ZNF660: variants seen among roughly 807,000 people sequenced by gnomAD.
ZNF660 encodes the protein zinc finger protein 660.
A neutral mutation model predicts 23.2 loss-of-function variants in ZNF660; 24 were observed. That is an observed-to-expected ratio of 1.04 (90% CI 0.75 to 1.46). The LOEUF is 1.46. Among genes scored for constraint, ZNF660 ranks in the 40% most tolerant of loss-of-function variants. The pLI is 0.00. For missense variants in ZNF660, 373 were observed against 396.8 expected (o/e 0.94, Z 0.51); for synonymous variants, 117 against 131.4 (o/e 0.89, Z 0.75).
intron 2 of ZNF660, among the ~76,000 whole-genome samples, chr3:44,591,795 G>A (rs1328276420): frequency 6.6e-6 from 1 of 152,200 alleles, no homozygotes; most frequent in East Asian, 1.9e-4. Flanking sequence ...AGGAGTTCAA[G>A]GCCAGCCTGG....
At chr3:44,590,683 A>G (rs538007426) in intron 2 of ZNF660, among the ~76,000 whole-genome samples, 27 of 152,360 alleles carry the variant, frequency 1.8e-4, no homozygotes, top group African/African-American at 6.3e-4. Flanking sequence ...TATGAGTTTA[A>G]GAAATGTATG....
rs1174124161 is a variant in ZNF660, at chr3:44,597,406, T to C, written c.*2217T>C. 6.6e-6 allele frequency: 1 copy of C among 152,224 alleles called. No individual in the cohort carries two copies. Among genetic ancestry groups the C allele is most frequent in the East Asian group, 1.9e-4 (1 of 5,198 alleles). 9.4% of individuals were successfully genotyped at this position (152,224 alleles called of 1,614,324 possible). ...ATAATTTAGTTTTAAGGTATATATATTTCTTTCTTGCTGTTACCGGAAAGA... is the reference window on the plus strand; with the variant it reads ...ATAATTTAGTTTTAAGGTATATATACTTCTTTCTTGCTGTTACCGGAAAGA... On this transcript the variant is annotated 3_prime_UTR_variant, in exon 3 of 3. Transcript: ENST00000322734. This position sits in a 1 kb window ranked among gnomAD's most constrained non-coding sequence, Gnocchi z 4.1.
chr3:44,591,876 A>G (rs1239716016), intron 2 of ZNF660, among the ~76,000 whole-genome samples: 1 of 152,204 alleles, frequency 6.6e-6, no homozygotes, highest in African/African-American at 2.4e-5. Context: ...AGACGCCTGT[A>G]ATCCCAGCTA....
At chr3:44,590,899 CT>C (rs1413676163) in intron 2 of ZNF660, among the ~76,000 whole-genome samples, 4 of 152,180 alleles carry the variant, frequency 2.6e-5, no homozygotes, top group African/African-American at 9.7e-5. Context: ...GCCCAGGACC[CT>C]GGCAAGAATC....
At chr3:44,590,992 T>C (rs1700404935) in intron 2 of ZNF660, among the ~76,000 whole-genome samples, 1 of 152,216 alleles carries the variant, frequency 6.6e-6, no homozygotes, top group Admixed American at 6.5e-5. Flanking sequence ...ATGGAATCAG[T>C]GGCCACCCGC....
intron 2 of ZNF660, among the ~76,000 whole-genome samples, chr3:44,593,703 A>G (rs2125752671): frequency 6.6e-6 from 1 of 152,138 alleles, no homozygotes; most frequent in South Asian, 2.1e-4. Flanking sequence ...AAAAAAAAAA[A>G]AAAAAGCAAC....
intron 2 of ZNF660, among the ~76,000 whole-genome samples, chr3:44,593,084 G>A (rs1700486680): frequency 6.6e-6 from 1 of 151,736 alleles, no homozygotes; most frequent in Non-Finnish European, 1.5e-5. Flanking sequence ...TCCAACTATA[G>A]GCCAGCCCCT....
rs78281034 is a variant in ZNF660 at position 44,592,701 on chromosome 3, C to T, written c.-180-1313C>T. 4.8e-3 allele frequency among the ~76,000 whole-genome samples: 731 copies of T among 152,310 alleles called. 10 individuals are homozygous for T. Among genetic ancestry groups the T allele is most frequent in the African/African-American group, 0.017 (694 of 41,556 alleles). ...CTCTCAGACTCACCCCTTAAGTAGT[C>T]TCAGTCTGTCAGAGTGACAGCATGG... On this transcript the variant is annotated intron_variant, in intron 2 of 2. Transcript: ENST00000322734.
rs1414388112 is a variant in ZNF660, at chr3:44,598,902, G to C, written c.*3713G>C. 1 of 152,254 alleles carries C rather than the reference G, an allele frequency of 6.6e-6. No homozygotes were observed. Among genetic ancestry groups the C allele is most frequent in the African/African-American group, 2.4e-5 (1 of 41,444 alleles). 9.4% of individuals were successfully genotyped at this position (152,254 alleles called of 1,614,324 possible). A position where few individuals can be genotyped will look rare whatever the true frequency, so the allele number is the denominator to read the frequency against. The stretch of plus-strand genomic sequence containing the variant: ...TAGTCCTAGGTACTCAGGAGGCTGA[G>C]GGGGGAGGATCACTTGAGCCCAGGA... On this transcript the variant is annotated 3_prime_UTR_variant, in exon 3 of 3. Coordinates refer to ENST00000322734, the MANE Select transcript of ZNF660 (RefSeq NM_173658.4).
chr3:44,586,421 T>C (rs1184889758), intron 2 of ZNF660: 1 of 152,254 alleles, frequency 6.6e-6, no homozygotes, highest in African/African-American at 2.4e-5. Context: ...GGTGATGTAG[T>C]AGAACTCAAA....
At chr3:44,590,525 A>G (rs768793148) in intron 2 of ZNF660, among the ~76,000 whole-genome samples, 35 of 152,182 alleles carry the variant, frequency 2.3e-4, no homozygotes, top group Non-Finnish European at 4.8e-4. Context: ...TAGAGGCCCC[A>G]TCTCCAAATA....
At chr3:44,593,689 CAAAA>C (rs397874775) in intron 2 of ZNF660, among the ~76,000 whole-genome samples, 68 of 92,576 alleles carry the variant, frequency 7.3e-4, no homozygotes, top group African/African-American at 6.9e-4. Context: ...CACTCCATCT[CAAAA>C]AAAAAAAAAA....
Position 44,594,541 on chromosome 3 carries a change from T to C in ZNF660, c.348T>C (p.Ser116=), listed in dbSNP as rs779729950. 3.7e-6 allele frequency: 6 copies of C among 1,614,058 alleles called. No individual in the cohort carries two copies. The highest frequency in any genetic ancestry group is 5.1e-6 in the Non-Finnish European group (6 of 1,180,018). ...GCAGTGAATGTGGGAAATCTTTCAG[T>C]GGAAAGTCACATCTTATTCGGCACC... ...YTCSECGKSF[S]GKSHLIRHQG... is the part of the protein sequence containing the mutation. Residue 116 remains serine, a synonymous_variant, in exon 3 of 3, where the codon AGT becomes AGC. Transcript: ENST00000322734.
rs1214551607 is a variant in ZNF660, at chr3:44,594,953, G to C, written c.760G>C (p.Ala254Pro). The change falls in exon 3 of 3, where the codon GCT (alanine) becomes CCT (proline). Residue 254 changes from alanine to proline, a missense_variant. Transcript: ENST00000322734. ...TTACAAATGTAATGAGTGTGGGAAG[G>C]CTTTTACTTCTAATCGAAACCTTGT... The part of the protein sequence containing the change: ...KPYKCNECGK[A>P]FTSNRNLVDH... 3.0e-5 allele frequency: 49 copies of C among 1,613,834 alleles called. No homozygotes were observed. Among genetic ancestry groups the C allele is most frequent in the Non-Finnish European group, 4.1e-5 (48 of 1,180,010 alleles).
chr3:44,592,540 T>C (rs928498426), intron 2 of ZNF660, among the ~76,000 whole-genome samples: 1 of 152,342 alleles, frequency 6.6e-6, no homozygotes, highest in East Asian at 1.9e-4. Flanking sequence ...TTTGGTTTCA[T>C]GTATTGGCAC....
Position 44,595,097 on chromosome 3 carries a change from TATAA to T in ZNF660, c.907_910del (p.Lys303ValfsTer30). 1.2e-6 allele frequency: 2 copies of T among 1,614,008 alleles called. No homozygotes were observed. Among genetic ancestry groups the T allele is most frequent in the South Asian group, 2.2e-5 (2 of 91,076 alleles). On this transcript the variant is annotated frameshift_variant, in exon 3 of 3. Coordinates refer to ENST00000322734, the MANE Select transcript of ZNF660 (RefSeq NM_173658.4). LOFTEE classifies it high-confidence loss of function. ...GAGAACCCACACTAAGGAGAAACCC[TATAA>T]ATGTAGTGAGTGTGGGAAAGCCTAT...
Position 44,597,811 on chromosome 3 carries a change from T to C in ZNF660, c.*2622T>C, listed in dbSNP as rs922633766. 6.6e-6 allele frequency: 1 copy of C among 152,198 alleles called. No homozygotes were observed. Among genetic ancestry groups the C allele is most frequent in the Non-Finnish European group, 1.5e-5 (1 of 68,040 alleles). 9.4% of individuals were successfully genotyped at this position (152,198 alleles called of 1,614,324 possible). On this transcript the variant is annotated 3_prime_UTR_variant, in exon 3 of 3. Coordinates refer to ENST00000322734, the MANE Select transcript of ZNF660 (RefSeq NM_173658.4). The surrounding 1 kb of genome is among the most constrained non-coding windows in gnomAD (Gnocchi z 4.1). ...CATCTCATAACCAGAGAACTGAATA[T>C]AGGAGAGCTTCATATTTCTTGCCCC...
Position 44,597,358 on chromosome 3 carries a change from T to C in ZNF660, c.*2169T>C, listed in dbSNP as rs1475618543. 1 of 152,158 alleles carries C rather than the reference T, an allele frequency of 6.6e-6. No individual in the cohort carries two copies. Among genetic ancestry groups the C allele is most frequent in the African/African-American group, 2.4e-5 (1 of 41,422 alleles). 9.4% of individuals were successfully genotyped at this position (152,158 alleles called of 1,614,324 possible). On this transcript the variant is annotated 3_prime_UTR_variant, in exon 3 of 3. Transcript: ENST00000322734. This position sits in a 1 kb window ranked among gnomAD's most constrained non-coding sequence, Gnocchi z 4.1. ...TGTTATCAGTGTTCTGTGAATGGGGTTTATGGCCTATCTCTGTACCTCATA... is the reference window on the plus strand; with the variant it reads ...TGTTATCAGTGTTCTGTGAATGGGGCTTATGGCCTATCTCTGTACCTCATA...
chr3:44,591,992 C>T (rs561869686), intron 2 of ZNF660, among the ~76,000 whole-genome samples: 16 of 151,934 alleles, frequency 1.1e-4, no homozygotes, highest in Admixed American at 3.3e-4. Flanking sequence ...AGCGAGCCTC[C>T]GTCTCAAAAA....
Sources: gnomAD v4.1 joint callset for allele counts (sites outside exome capture counted in the v4.1 genomes callset) on GRCh38, gnomAD v4.1.1 for gene constraint, Gnocchi (gnomAD v3.1) non-coding constraint, MANE v1.5 for transcripts, NCBI Gene and HGNC (gene_info 2026-07-23, HGNC 2026-07-21) for gene names.